Variants in GAS2 observed in about 807,000 individuals in gnomAD.
GAS2 encodes the protein growth arrest-specific protein 2.
Under a neutral mutation model 37.5 loss-of-function variants are expected in GAS2, and 20 were observed. The observed-to-expected ratio is 0.53, with a 90% confidence interval of 0.37 to 0.77. The LOEUF (loss-of-function observed/expected upper bound fraction) is 0.77. Ranked by LOEUF, GAS2 falls within the 30% of genes least tolerant of loss-of-function variation. The pLI is 0.00. For missense variants in GAS2, 336 were observed against 373.4 expected (o/e 0.90, Z 0.82); for synonymous variants, 144 against 132.2 (o/e 1.09, Z -0.61).
intron 7 of GAS2, among the ~76,000 whole-genome samples, chr11:22,787,830 G>T (rs2134540729): frequency 6.6e-6 from 1 of 152,272 alleles, no homozygotes; most frequent in South Asian, 2.1e-4. Context: ...GGTATTCAGG[G>T]TTGGAAAACA....
At chr11:22,777,387 C>T (rs2134462349) in intron 7 of GAS2, among the ~76,000 whole-genome samples, 1 of 152,130 alleles carries the variant, frequency 6.6e-6, no homozygotes, top group South Asian at 2.1e-4. Context: ...TAAAATAAGA[C>T]AAAATGAAAA....
At chr11:22,665,305 G>A (rs1231023178), upstream of GAS2, among the ~76,000 whole-genome samples, 2 of 152,120 alleles carry the variant, frequency 1.3e-5, no homozygotes, top group Non-Finnish European at 2.9e-5. Context: ...GGCTGATGAT[G>A]TTTTGATCAG....
chr11:22,635,164 G>C (rs1858804490), intron 1 of GAS2, among the ~76,000 whole-genome samples: 1 of 152,150 alleles, frequency 6.6e-6, no homozygotes, highest in African/African-American at 2.4e-5. Flanking sequence ...AGAGTCATAG[G>C]ACTTCCCAAA....
At chr11:22,631,838 A>G (rs779068657) in intron 1 of GAS2, among the ~76,000 whole-genome samples, 2 of 151,592 alleles carry the variant, frequency 1.3e-5, no homozygotes, top group Non-Finnish European at 2.9e-5. Flanking sequence ...TTCATATGAT[A>G]TAGGGAGGAT....
At chr11:22,764,291 C>T (rs993574890) in intron 7 of GAS2, among the ~76,000 whole-genome samples, 9 of 152,096 alleles carry the variant, frequency 5.9e-5, no homozygotes, top group African/African-American at 2.2e-4. Flanking sequence ...CCGGGCACGG[C>T]GGATCATGCC....
chr11:22,662,887 A>T (rs1006250079), upstream of GAS2, among the ~76,000 whole-genome samples: 28 of 151,988 alleles, frequency 1.8e-4, no homozygotes, highest in African/African-American at 6.8e-4. Context: ...TCTGCAAAAA[A>T]AAAAAAAATA....
intron 1 of GAS2, among the ~76,000 whole-genome samples, chr11:22,671,523 A>T (rs1849199742): frequency 6.6e-6 from 1 of 152,088 alleles, no homozygotes; most frequent in African/African-American, 2.4e-5. Flanking sequence ...CTTTCTCCCT[A>T]ACCTACTGCT....
intron 1 of GAS2, among the ~76,000 whole-genome samples, chr11:22,648,923 A>G (rs376832340): frequency 6.6e-6 from 1 of 151,732 alleles, no homozygotes; most frequent in Non-Finnish European, 1.5e-5. Flanking sequence ...TCTCCTGCCT[A>G]ATTGCCCTGG....
intron 3 of GAS2, among the ~76,000 whole-genome samples, chr11:22,721,904 AT>A (rs1214633456): frequency 2.0e-5 from 3 of 151,696 alleles, no homozygotes; most frequent in African/African-American, 7.3e-5. Flanking sequence ...GATATTCAGT[AT>A]TTTTTACTTG....
chr11:22,786,639 T>C (rs975859175), intron 7 of GAS2, among the ~76,000 whole-genome samples: 5 of 152,130 alleles, frequency 3.3e-5, no homozygotes, highest in African/African-American at 4.8e-5. Flanking sequence ...ACCGTTTACT[T>C]CTATGAATGT....
At chr11:22,637,791 C>T in intron 1 of GAS2, among the ~76,000 whole-genome samples, 1 of 144,194 alleles carries the variant, frequency 6.9e-6, no homozygotes, top group Non-Finnish European at 1.5e-5. Flanking sequence ...TATATGTAAA[C>T]TATATATTTA....
chr11:22,665,172 A>G (rs1848963752), upstream of GAS2, among the ~76,000 whole-genome samples: 1 of 152,162 alleles, frequency 6.6e-6, no homozygotes, highest in African/African-American at 2.4e-5. Flanking sequence ...AACACCAATA[A>G]TGAACAATGT....
chr11:22,703,918 C>G (rs1850972552), intron 3 of GAS2, among the ~76,000 whole-genome samples: 2 of 152,122 alleles, frequency 1.3e-5, no homozygotes, highest in African/African-American at 4.8e-5. Flanking sequence ...GCTTGTCTAA[C>G]AGATGCCTCG....
intron 1 of GAS2, among the ~76,000 whole-genome samples, chr11:22,655,854 A>G (rs1019471420): frequency 8.5e-5 from 13 of 152,196 alleles, no homozygotes; most frequent in African/African-American, 3.1e-4. Flanking sequence ...AATTAGCACA[A>G]TATTTAAGGA....
intron 7 of GAS2, among the ~76,000 whole-genome samples, chr11:22,801,198 A>G (rs1017057888): frequency 1.5e-4 from 22 of 149,444 alleles, no homozygotes; most frequent in African/African-American, 4.8e-4. Context: ...GAGACAGGGG[A>G]AAAAAAACTC....
chr11:22,694,235 C>G (rs944049992), intron 3 of GAS2, among the ~76,000 whole-genome samples: 4 of 152,108 alleles, frequency 2.6e-5, no homozygotes, highest in African/African-American at 9.7e-5. Context: ...GATTAATAAA[C>G]CATAATCAGA....
chr11:22,760,857 T>C (rs1486218170), intron 7 of GAS2, among the ~76,000 whole-genome samples: 1 of 152,154 alleles, frequency 6.6e-6, no homozygotes, highest in Non-Finnish European at 1.5e-5. Flanking sequence ...CAGTTAAAAA[T>C]TTGAGAATAA....
chr11:22,786,598 A>G (rs1000683990), intron 7 of GAS2, among the ~76,000 whole-genome samples: 10 of 152,160 alleles, frequency 6.6e-5, no homozygotes, highest in Non-Finnish European at 1.0e-4. Flanking sequence ...ATAATCGGCA[A>G]TGTAGTACAG....
intron 7 of GAS2, among the ~76,000 whole-genome samples, chr11:22,798,242 A>T (rs1362930480): frequency 2.0e-5 from 3 of 152,090 alleles, no homozygotes; most frequent in Non-Finnish European, 4.4e-5. Context: ...GCAGCACAAC[A>T]TTATTATTTA....
Sources: gnomAD v4.1 joint callset for allele counts (sites outside exome capture counted in the v4.1 genomes callset) on GRCh38, gnomAD v4.1.1 for gene constraint, MANE v1.5 for transcripts, NCBI Gene and HGNC (gene_info 2026-07-23, HGNC 2026-07-21) for gene names.